Variants in PCP4 observed in about 807,000 individuals in gnomAD.
PCP4 encodes calmodulin regulator protein PCP4.
In PCP4, 8 loss-of-function variants were observed where a neutral mutation model predicts 10.0. That is an observed-to-expected ratio of 0.80 (90% CI 0.47 to 1.45). The LOEUF (loss-of-function observed/expected upper bound fraction) is 1.45. Among genes scored for constraint, PCP4 ranks in the 40% most tolerant of loss-of-function variants. The pLI, the probability that PCP4 is intolerant of heterozygous loss-of-function variation, is 0.00. For synonymous variants in PCP4, 21 were observed against 23.0 expected (o/e 0.91, Z 0.24); for missense variants, 54 against 74.4 (o/e 0.73, Z 1.01).
chr21:39,897,548 T>G (rs1041135400), intron 1 of PCP4, among the ~76,000 whole-genome samples: 14 of 152,158 alleles, frequency 9.2e-5, no homozygotes, highest in Non-Finnish European at 2.1e-4. Flanking sequence ...TCTGTTTACA[T>G]GTGTGGTGCA....
At chr21:39,871,125 C>T (rs763329767) in intron 1 of PCP4, among the ~76,000 whole-genome samples, 6 of 152,094 alleles carry the variant, frequency 3.9e-5, no homozygotes, top group Admixed American at 6.5e-5. Context: ...AGATTGCAAA[C>T]GGGAGGCTAC....
Position 39,906,562 on chromosome 21 carries a change from T to C in PCP4, c.61+8035T>C, listed in dbSNP as rs192334510. 2.8e-4 allele frequency among the ~76,000 whole-genome samples: 42 copies of C among 151,974 alleles called. No individual in the cohort carries two copies. The highest frequency in any genetic ancestry group is 9.6e-4 in the African/African-American group (40 of 41,480). On this transcript the variant is annotated intron_variant, in intron 2 of 2. Transcript: ENST00000328619. The surrounding 1 kb of genome is among the most constrained non-coding windows in gnomAD (Gnocchi z 6.3). ...CTCCTTCCTTCCTTCCGCTCCTCCT[T>C]CTTCCCCTTCCTTCCCCCTTTCCTT...
chr21:39,910,106 C>T (rs2146344034), intron 2 of PCP4, among the ~76,000 whole-genome samples: 1 of 152,276 alleles, frequency 6.6e-6, no homozygotes, highest in South Asian at 2.1e-4. Flanking sequence ...TACTATTCTA[C>T]CATCCCAGAC....
intron 2 of PCP4, among the ~76,000 whole-genome samples, chr21:39,903,867 C>CAAAAA (rs1210365373): frequency 0.013 from 437 of 34,688 alleles, 23 homozygotes; most frequent in African/African-American, 0.039. Context: ...GACTCCGTCT[C>CAAAAA]AAAAAAAACA....
intron 1 of PCP4, among the ~76,000 whole-genome samples, chr21:39,894,089 G>C (rs1435006947): frequency 6.6e-6 from 1 of 152,102 alleles, no homozygotes; most frequent in Non-Finnish European, 1.5e-5. Flanking sequence ...GGTGGGTGTC[G>C]GGCTGGAGAT....
chr21:39,893,503 A>G (rs139866513), intron 1 of PCP4, among the ~76,000 whole-genome samples: 91 of 152,306 alleles, frequency 6.0e-4, no homozygotes, highest in African/African-American at 2.1e-3. Context: ...AGCTGTGTGA[A>G]TTGCTTGGCA....
chr21:39,917,826 C>T (rs1028956379), intron 2 of PCP4, among the ~76,000 whole-genome samples: 5 of 152,242 alleles, frequency 3.3e-5, no homozygotes, highest in South Asian at 4.2e-4. Context: ...ATCTCCATAA[C>T]CTCAGAATGT....
chr21:39,881,543 G>A (rs2087375654), intron 1 of PCP4, among the ~76,000 whole-genome samples: 1 of 152,152 alleles, frequency 6.6e-6, no homozygotes, highest in Non-Finnish European at 1.5e-5. Context: ...TGCATGAAAC[G>A]TACATCTGCA....
At chr21:39,897,608 T>C (rs2087463188) in intron 1 of PCP4, among the ~76,000 whole-genome samples, 1 of 152,128 alleles carries the variant, frequency 6.6e-6, no homozygotes, top group Non-Finnish European at 1.5e-5. Flanking sequence ...GCCCAAAGTG[T>C]TAAGTCTAAC....
intron 2 of PCP4, among the ~76,000 whole-genome samples, chr21:39,919,031 C>A (rs764574501): frequency 4.6e-5 from 7 of 152,170 alleles, no homozygotes; most frequent in African/African-American, 7.2e-5. Flanking sequence ...GACCTTTTCT[C>A]CAACACTAGA....
intron 2 of PCP4, among the ~76,000 whole-genome samples, chr21:39,907,681 C>T (rs1360576366): frequency 6.6e-6 from 1 of 152,068 alleles, no homozygotes; most frequent in Non-Finnish European, 1.5e-5. Context: ...CCTGTAATCC[C>T]AGTTACTTGG....
At chr21:39,887,990 G>A (rs1336598886) in intron 1 of PCP4, among the ~76,000 whole-genome samples, 2 of 152,184 alleles carry the variant, frequency 1.3e-5, no homozygotes, top group Non-Finnish European at 2.9e-5. Context: ...CCAAAGATAT[G>A]CGGATTCGTG....
At chr21:39,892,681 C>T (rs770733347) in intron 1 of PCP4, among the ~76,000 whole-genome samples, 2 of 152,040 alleles carry the variant, frequency 1.3e-5, no homozygotes, top group African/African-American at 2.4e-5. Flanking sequence ...GGTATGCATT[C>T]CCTTAAGCAT....
intron 2 of PCP4, among the ~76,000 whole-genome samples, chr21:39,920,046 GT>G (rs2087587994): frequency 1.5e-5 from 1 of 67,478 alleles, no homozygotes. Flanking sequence ...TGTATGTGTG[GT>G]GTGTGTGTGT....
chr21:39,926,137 C>T (rs955321625), intron 2 of PCP4: 7 of 451,928 alleles, frequency 1.5e-5, no homozygotes, highest in African/African-American at 4.0e-5. Context: ...ACCTTCCCCG[C>T]CGCCCCGGGA....
rs559048765 is a variant in PCP4 at position 39,911,093 on chromosome 21, G to A, written c.61+12566G>A. Among the ~76,000 whole-genome samples the A allele has an allele frequency of 4.2e-4, 64 of 152,136 alleles. 1 individual carries two copies. In the South Asian group the frequency reaches 7.9e-3, roughly 19 times the overall value. On this transcript the variant is annotated intron_variant, in intron 2 of 2. Coordinates refer to ENST00000328619, the MANE Select transcript of PCP4 (RefSeq NM_006198.3). ...CTCCTTTTGATTTTATTTTCTGTAA[G>A]CATCAAGGGGATATCGCACATGAGT... is the stretch of plus-strand genomic sequence containing the variant.
At chr21:39,882,017 G>A (rs1219355399) in intron 1 of PCP4, among the ~76,000 whole-genome samples, 1 of 152,216 alleles carries the variant, frequency 6.6e-6, no homozygotes, top group Non-Finnish European at 1.5e-5. Flanking sequence ...CCACCTTGTA[G>A]TAGGCTTGTT....
chr21:39,914,556 G>A (rs1287818542), intron 2 of PCP4, among the ~76,000 whole-genome samples: 2 of 138,018 alleles, frequency 1.4e-5, no homozygotes, highest in African/African-American at 2.8e-5. Flanking sequence ...ACTCCAGCCT[G>A]GGTGACAGAG....
intron 2 of PCP4, among the ~76,000 whole-genome samples, chr21:39,899,557 A>T (rs999508550): frequency 1.3e-5 from 2 of 152,174 alleles, no homozygotes; most frequent in Non-Finnish European, 2.9e-5. Flanking sequence ...ATGCCCACCC[A>T]TTTAGGGCAG....
Sources: allele counts gnomAD v4.1 joint callset (sites outside exome capture counted in the v4.1 genomes callset), GRCh38; gene constraint gnomAD v4.1.1; non-coding constraint Gnocchi (gnomAD v3.1); transcripts MANE v1.5; gene names NCBI Gene and HGNC (gene_info 2026-07-23, HGNC 2026-07-21).